MIER2: variants seen among roughly 807,000 people sequenced by gnomAD.
MIER2 encodes the protein mesoderm induction early response protein 2.
A neutral mutation model predicts 67.6 loss-of-function variants in MIER2; 30 were observed. The ratio of observed to expected loss-of-function variants is 0.44; its 90% confidence interval spans 0.33 to 0.60. MIER2 has a LOEUF of 0.60. Ranked by LOEUF, MIER2 falls within the 20% of genes least tolerant of loss-of-function variation. The pLI is 0.02. For missense variants in MIER2, 702 were observed against 745.1 expected (o/e 0.94, Z 0.67); for synonymous variants, 372 against 312.6 (o/e 1.19, Z -2.00).
At chr19:326,420 G>A (rs879031115) in intron 6 of MIER2, 87 bp downstream of exon 6, 18 of 1,241,818 alleles carry the variant, frequency 1.4e-5, no homozygotes, top group Middle Eastern at 2.3e-4. Flanking sequence ...CTGGGGAGAC[G>A]GCAGAGCCAC....
chr19:306,807 C>T, intron 13 of MIER2, 96 bp from the exon 14 acceptor site: 1 of 1,534,066 alleles, frequency 6.5e-7, no homozygotes, highest in Non-Finnish European at 8.8e-7. Context: ...AGACTCCCAG[C>T]CTTGCCTCCC....
At chr19:334,373 AGG>A in intron 3 of MIER2, 25 bp downstream of exon 3, 9 of 1,613,346 alleles carry the variant, frequency 5.6e-6, no homozygotes, top group Non-Finnish European at 7.6e-6. Flanking sequence ...CACCCAACAC[AGG>A]GGCAGGATCA....
In MIER2 at chr19:312,123, C is replaced by T. The variant is rs974171742; in HGVS notation, c.889+68G>A. ...GGCCGCAGCGGAAGGAAGGCCCAGG[C>T]CGGGGAGAACGGTCAGCAGTGCCCA... On this transcript the variant is annotated intron_variant, in intron 9 of 13. Transcript: ENST00000264819. 2.2e-5 allele frequency: 25 copies of T among 1,137,114 alleles called. No homozygotes were observed. The African/African-American group carries it at 4.6e-4, about 21-fold the overall frequency. The allele number at this position is 1,137,114 out of a possible 1,614,324, so 70.4% of individuals were successfully genotyped here. A position where few individuals can be genotyped will look rare whatever the true frequency, so the allele number is the denominator to read the frequency against.
rs543632860 is a variant in MIER2 at position 313,489 on chromosome 19, C to G, written c.807+3G>C. ...CCTCTGTCCCCGGCATGGCAGCCCC[C>G]ACCTGCTCACTGTCTTTCACGGCTT... On this transcript the variant is annotated splice_donor_region_variant and intron_variant, in intron 8 of 13. Transcript: ENST00000264819. The G allele has an allele frequency of 1.9e-6, 3 of 1,610,548 alleles. No individual in the cohort carries two copies. The African/African-American group carries it at 4.0e-5, about 21-fold the overall frequency.
chr19:338,865 A>C (rs1972379046), intron 1 of MIER2, among the ~76,000 whole-genome samples: 1 of 152,258 alleles, frequency 6.6e-6, no homozygotes, highest in Non-Finnish European at 1.5e-5. Flanking sequence ...AAAAGAATGA[A>C]GTTGGACCCC....
At chr19:344,129 C>T in intron 1 of MIER2, 3 of 985,420 alleles carry the variant, frequency 3.0e-6, no homozygotes, top group Non-Finnish European at 1.2e-6. Flanking sequence ...ACTTCGTGCC[C>T]GGGAGAGGCT....
intron 1 of MIER2, chr19:344,394 C>T (rs909399912): frequency 1.0e-6 from 1 of 984,166 alleles, no homozygotes. Context: ...GGCCTGCGCG[C>T]CGCGGGGCCC....
intron 8 of MIER2, 33 bp from the exon 9 acceptor site, chr19:312,305 CTCA>C: frequency 6.2e-7 from 1 of 1,605,266 alleles, no homozygotes; most frequent in Non-Finnish European, 8.5e-7. Context: ...CTTCCATGGG[CTCA>C]GCGCAGGAGC....
chr19:329,634 A>C (rs1971928384), intron 3 of MIER2, among the ~76,000 whole-genome samples: 1 of 152,172 alleles, frequency 6.6e-6, no homozygotes, highest in African/African-American at 2.4e-5. Flanking sequence ...CATGCCTGTA[A>C]TCCCAGCACT....
In MIER2 at chr19:339,985, G is replaced by A. The variant is rs118070482; in HGVS notation, c.10-3812C>T. On this transcript the variant is annotated intron_variant, in intron 1 of 13. Coordinates refer to ENST00000264819, the MANE Select transcript of MIER2 (RefSeq NM_017550.3). ...CTGCATGGTAAATGAATTATACCTC[G>A]GGAAAGCTGCTGCCAAAAAGGGTAG... 2.7e-3 allele frequency among the ~76,000 whole-genome samples: 405 copies of A among 152,230 alleles called. 7 individuals are homozygous for A. Among genetic ancestry groups the A allele is most frequent in the Non-Finnish European group, 4.3e-3 (292 of 68,022 alleles).
In MIER2 at chr19:328,762, G is replaced by C. The variant is rs74634805; in HGVS notation, c.244-773C>G. 3.6e-3 allele frequency among the ~76,000 whole-genome samples: 548 copies of C among 152,160 alleles called. 10 individuals carry two copies. The East Asian group carries it at 0.039, about 11-fold the overall frequency. On this transcript the variant is annotated intron_variant, in intron 3 of 13. Coordinates refer to ENST00000264819, the MANE Select transcript of MIER2 (RefSeq NM_017550.3). ...GAATCTGTCTCAAAATAAAAAAAAA[G>C]AAGAAAACTATGTAAACGGATGCTT...
At chr19:310,457 C>T (rs536780397) in intron 10 of MIER2, among the ~76,000 whole-genome samples, 9 of 145,060 alleles carry the variant, frequency 6.2e-5, no homozygotes, top group African/African-American at 1.6e-4. Context: ...CGGCCCCTCG[C>T]GGCTGGGCCA....
chr19:324,359 C>T lies in MIER2; in HGVS notation c.655+1276G>A, dbSNP rs551707582. Among the ~76,000 whole-genome samples, 4 of 138,496 alleles carry T rather than the reference C, an allele frequency of 2.9e-5. No individual in the cohort carries two copies. The East Asian group carries it at 8.3e-4, about 29-fold the overall frequency. 90.9% of individuals were successfully genotyped at this position (138,496 alleles called of 152,430 possible). On this transcript the variant is annotated intron_variant, in intron 7 of 13. Transcript: ENST00000264819. ...ACAGACGTCATCACAATGCAATACA[C>T]AGGACACACACAACCACACAGACGA...
chr19:344,234 G>A (rs903394666), intron 1 of MIER2: 6 of 985,292 alleles, frequency 6.1e-6, no homozygotes, highest in Non-Finnish European at 6.0e-6. Flanking sequence ...TCCGCGTCGG[G>A]AGTTCAAATC....
chr19:309,481 G>A (rs982477993), intron 10 of MIER2, among the ~76,000 whole-genome samples: 1 of 152,116 alleles, frequency 6.6e-6, no homozygotes, highest in African/African-American at 2.4e-5. Flanking sequence ...ACCGCAGAAG[G>A]ACACATGGGT....
At chr19:312,153 G>A (rs576999286) in intron 9 of MIER2, 38 bp downstream of exon 9, 14 of 1,511,580 alleles carry the variant, frequency 9.3e-6, no homozygotes, top group South Asian at 2.3e-5. Flanking sequence ...TGCCCAGGGC[G>A]GGGCCGCAGC....
rs533382469 is a variant in MIER2, at chr19:305,880, A to G, written c.*810T>C. The G allele has an allele frequency of 6.6e-6, 1 of 152,406 alleles. No individual in the cohort carries two copies. Among genetic ancestry groups the G allele is most frequent in the South Asian group, 2.1e-4 (1 of 4,828 alleles). 9.4% of individuals were successfully genotyped at this position (152,406 alleles called of 1,614,324 possible). ...CTGCAGGGCTGGGGAAACAGGCTGG[A>G]GTCTGGCCCCTGCGTGGCCAGCAGG... On this transcript the variant is annotated 3_prime_UTR_variant, in exon 14 of 14. Transcript: ENST00000264819.
rs201258486 is a variant in MIER2 at position 313,474 on chromosome 19, C to G, written c.807+18G>C. The G allele has an allele frequency of 6.2e-7, 1 of 1,606,710 alleles. No homozygotes were observed. Among genetic ancestry groups the G allele is most frequent in the Non-Finnish European group, 8.5e-7 (1 of 1,178,850 alleles). On this transcript the variant is annotated intron_variant, in intron 8 of 13. Transcript: ENST00000264819. ...CGGCAGCCCTCAGCCCCTCTGTCCC[C>G]GGCATGGCAGCCCCCACCTGCTCAC... is the stretch of plus-strand genomic sequence containing the variant.
intron 1 of MIER2, chr19:344,132 G>A (rs1972630595): frequency 1.0e-6 from 1 of 985,442 alleles, no homozygotes. Flanking sequence ...TCGTGCCCGG[G>A]AGAGGCTGGT....
Sources: allele counts gnomAD v4.1 joint callset (sites outside exome capture counted in the v4.1 genomes callset), GRCh38; gene constraint gnomAD v4.1.1; transcripts MANE v1.5; gene names NCBI Gene and HGNC (gene_info 2026-07-23, HGNC 2026-07-21).